TENM1: variants seen among roughly 807,000 people sequenced by gnomAD.
TENM1 encodes the protein teneurin transmembrane protein 1, also known as teneurin-1.
Under a neutral mutation model 174.8 loss-of-function variants are expected in TENM1, and 35 were observed. The observed-to-expected ratio is 0.20, with a 90% confidence interval of 0.15 to 0.27. TENM1 has a LOEUF of 0.27. Ranked by LOEUF, TENM1 falls within the 10% of genes least tolerant of loss-of-function variation. The pLI, the probability that TENM1 is intolerant of heterozygous loss-of-function variation, is 1.00. For synonymous variants in TENM1, 781 were observed against 798.7 expected (o/e 0.98, Z 0.37); for missense variants, 1,633 against 2,130.1 (o/e 0.77, Z 4.59).
chrX:124,716,263 C>G (rs1189603679), intron 4 of TENM1, among the ~76,000 whole-genome samples: 1 of 112,016 alleles, frequency 8.9e-6, no homozygotes, highest in Non-Finnish European at 1.9e-5. Context: ...GACTGCTTCT[C>G]ACCAACACCC....
intron 3 of TENM1, among the ~76,000 whole-genome samples, chrX:124,802,386 C>A (rs1366690160): frequency 9.0e-6 from 1 of 111,232 alleles, no homozygotes; most frequent in Non-Finnish European, 1.9e-5. Flanking sequence ...CCGCAGTTTG[C>A]TGGGGGTTCA....
chrX:124,636,307 A>C (rs995041361), intron 11 of TENM1, among the ~76,000 whole-genome samples: 4 of 112,120 alleles, frequency 3.6e-5, no homozygotes, highest in African/African-American at 1.3e-4. Flanking sequence ...CTTAAAAATC[A>C]CAGAAGGACT....
At chrX:124,385,012 T>C (rs1408829290) in intron 29 of TENM1, among the ~76,000 whole-genome samples, 158 bp from the exon 33 acceptor site, 1 of 112,306 alleles carries the variant, frequency 8.9e-6, no homozygotes, top group Non-Finnish European at 1.9e-5. Flanking sequence ...TATTACCTCA[T>C]GGATATATAT....
chrX:124,812,993 C>T (rs1476487455), intron 3 of TENM1, among the ~76,000 whole-genome samples: 1 of 110,844 alleles, frequency 9.0e-6, no homozygotes, highest in Non-Finnish European at 1.9e-5. Context: ...CACACTCACA[C>T]ATACCCACAG....
chrX:124,565,582 C>G (rs2048922758), intron 11 of TENM1, 22 bp from the exon 15 acceptor site: 1 of 1,052,768 alleles, frequency 9.5e-7, no homozygotes, highest in African/African-American at 1.9e-5. Context: ...TCAAAGAAGA[C>G]ATATTAACAT....
chrX:124,553,263 GA>G (rs1354536601), intron 14 of TENM1, among the ~76,000 whole-genome samples: 1 of 304 alleles, frequency 3.3e-3, no homozygotes, highest in Non-Finnish European at 5.4e-3. Context: ...TTGGGAGACT[GA>G]GGGGGGGGGT....
exon 1 of TENM1, chrX:124,963,797 A>C: frequency 3.7e-6 from 4 of 1,069,487 alleles, no homozygotes; most frequent in Non-Finnish European, 5.2e-6. Context: ...AGGATGAGGA[A>C]GTCCTTTAAT....
the TENM1 span, among the ~76,000 whole-genome samples, chrX:125,201,996 T>C: frequency 9.0e-6 from 1 of 111,301 alleles, no homozygotes; most frequent in Non-Finnish European, 1.9e-5. Flanking sequence ...AGCAAGCAGA[T>C]GCTGGGTAAT....
chrX:124,628,097 TA>T (rs1479603403), intron 11 of TENM1, among the ~76,000 whole-genome samples: 2 of 111,646 alleles, frequency 1.8e-5, no homozygotes, highest in Non-Finnish European at 3.8e-5. Flanking sequence ...GAAGTAGATT[TA>T]AAATGGTTAC....
At chrX:125,023,078 T>C in the TENM1 span, among the ~76,000 whole-genome samples, 1 of 111,093 alleles carries the variant, frequency 9.0e-6, no homozygotes, top group Non-Finnish European at 1.9e-5. Flanking sequence ...TGACTTCAAA[T>C]TTAGATGACA....
chrX:124,954,406 T>C lies in TENM1; in HGVS notation c.217+9131A>G, dbSNP rs1309753903. Among the ~76,000 whole-genome samples, 6 of 112,159 alleles carry C rather than the reference T, an allele frequency of 5.3e-5. No homozygotes were observed. The East Asian group carries it at 1.4e-3, about 26-fold the overall frequency. The stretch of plus-strand genomic sequence containing the variant: ...TTTCTGGCTTCTTTCCCTTCTCCAA[T>C]ACTGGGTTCCAGACTTACCTGTACA... On this transcript the variant is annotated intron_variant, in intron 1 of 31. Transcript: ENST00000422452.
At chrX:124,849,685 C>A (rs2056681230) in intron 3 of TENM1, among the ~76,000 whole-genome samples, 1 of 111,536 alleles carries the variant, frequency 9.0e-6, no homozygotes, top group Admixed American at 9.5e-5. Flanking sequence ...GCAGAGGACC[C>A]AGTAGATGTG....
intron 4 of TENM1, among the ~76,000 whole-genome samples, chrX:124,711,636 A>G (rs1352389536): frequency 1.8e-5 from 2 of 111,856 alleles, no homozygotes; most frequent in Admixed American, 1.9e-4. Flanking sequence ...ACCAAACCAT[A>G]TTTGGATAGC....
At chrX:125,136,747 TA>T in the TENM1 span, among the ~76,000 whole-genome samples, 1 of 111,391 alleles carries the variant, frequency 9.0e-6, no homozygotes, top group Non-Finnish European at 1.9e-5. Flanking sequence ...AATAGAACAA[TA>T]AAAAAACAGA....
chrX:125,055,722 GA>G, the TENM1 span, among the ~76,000 whole-genome samples: 1 of 111,760 alleles, frequency 8.9e-6, no homozygotes, highest in South Asian at 3.7e-4. Context: ...CATTGAACAA[GA>G]AGCTCAGGCC....
Position 124,705,258 on chromosome X carries a change from A to G in TENM1, c.777-7T>C. The G allele has an allele frequency of 1.7e-6, 2 of 1,165,629 alleles. No individual in the cohort carries two copies. The highest frequency in any genetic ancestry group is 2.3e-6 in the Non-Finnish European group (2 of 864,836). On this transcript the variant is annotated splice_polypyrimidine_tract_variant and splice_region_variant and intron_variant, in intron 4 of 31. Transcript: ENST00000422452. ...ATGTTTGAACAGGAAATGCCTGTGA[A>G]AAGGAAACACAAGTTTGGGCTATAA...
chrX:124,523,297 G>T, intron 17 of TENM1, 67 bp downstream of exon 20: 3 of 1,055,297 alleles, frequency 2.8e-6, no homozygotes, highest in Non-Finnish European at 3.9e-6. Flanking sequence ...AAGGAATTTA[G>T]CTATTATACA....
At chrX:124,592,812 A>G (rs1419849331) in intron 11 of TENM1, among the ~76,000 whole-genome samples, 1 of 84,020 alleles carries the variant, frequency 1.2e-5, no homozygotes, top group African/African-American at 4.7e-5. Flanking sequence ...CCCCCTCCCT[A>G]GGGGGTGTGA....
chrX:125,177,702 G>A, the TENM1 span, among the ~76,000 whole-genome samples: 1 of 111,353 alleles, frequency 9.0e-6, no homozygotes. Context: ...CAATATCATG[G>A]GGCTGAAATA....
Sources: gnomAD v4.1 joint callset for allele counts (sites outside exome capture counted in the v4.1 genomes callset) on GRCh38, gnomAD v4.1.1 for gene constraint, MANE v1.5 for transcripts, NCBI Gene and HGNC (gene_info 2026-07-23, HGNC 2026-07-21) for gene names.